Variants in HERC1 observed in about 807,000 individuals in gnomAD.
HERC1 encodes the protein HECT and RLD domain containing E3 ubiquitin protein ligase family member 1, also known as probable E3 ubiquitin-protein ligase HERC1.
Under a neutral mutation model 554.3 loss-of-function variants are expected in HERC1, and 160 were observed. That is an observed-to-expected ratio of 0.29 (90% CI 0.25 to 0.33). HERC1 has a LOEUF of 0.33. Among genes scored for constraint, HERC1 ranks in the 10% least tolerant of loss-of-function variants. The pLI is 1.00. For synonymous variants in HERC1, 2,175 were observed against 2,131.7 expected (o/e 1.02, Z -0.56); for missense variants, 4,919 against 5,918.5 (o/e 0.83, Z 5.54).
chr15:63,762,942 T>C lies in HERC1; in HGVS notation c.1026+1154A>G, dbSNP rs189359389. Among the ~76,000 whole-genome samples the C allele has an allele frequency of 3.9e-4, 59 of 152,314 alleles. No individual in the cohort carries two copies. The East Asian group carries it at 7.5e-3, about 19-fold the overall frequency. On this transcript the variant is annotated intron_variant, in intron 3 of 77. Transcript: ENST00000443617. The stretch of plus-strand genomic sequence containing the variant: ...AGGCTCCTATTCCCATTATCTCAAG[T>C]AGCAGAACATGTTCCATATAAATGC...
In HERC1 at chr15:63,739,638, A is replaced by T. The variant is rs541976083; in HGVS notation, c.2521-4789T>A. Among the ~76,000 whole-genome samples the T allele has an allele frequency of 3.4e-4, 51 of 151,734 alleles. 1 individual carries two copies. In the South Asian group the frequency reaches 8.9e-3, roughly 26 times the overall value. On this transcript the variant is annotated intron_variant, in intron 12 of 77. Transcript: ENST00000443617. ...CAGATCACCTGAGGTAAGGAGTTCA[A>T]GACCAGCCTGGCCAACATGGTGAAA...
At position 63,622,976 on chromosome 15, in the gene HERC1, G is replaced by C. The variant is rs901287063; in HGVS notation, c.13612-85C>G. 4 of 757,566 alleles carry C rather than the reference G, an allele frequency of 5.3e-6. No individual in the cohort carries two copies. In the South Asian group the frequency reaches 7.5e-5, roughly 14 times the overall value. 46.9% of individuals were successfully genotyped at this position (757,566 alleles called of 1,614,324 possible). A position where few individuals can be genotyped will look rare whatever the true frequency, so the allele number is the denominator to read the frequency against. ...ACCAATTACAAGATCATACTGAAAA[G>C]AGAATATTTTGAGGAATTTATAATG... is the stretch of plus-strand genomic sequence containing the variant. On this transcript the variant is annotated intron_variant, in intron 73 of 77. Coordinates refer to ENST00000443617, the MANE Select transcript of HERC1 (RefSeq NM_003922.4).
In HERC1 at chr15:63,775,309, T is replaced by C. The variant is rs756054356; in HGVS notation, c.315A>G (p.Lys105=). 82 of 1,613,800 alleles carry C rather than the reference T, an allele frequency of 5.1e-5. No homozygotes were observed. Among genetic ancestry groups the C allele is most frequent in the Non-Finnish European group, 6.7e-5 (79 of 1,179,884 alleles). Residue 105 remains lysine (K), a synonymous_variant, in exon 2 of 78, where the codon AAA becomes AAG. Transcript: ENST00000443617. This position sits in a 1 kb window ranked among gnomAD's most constrained non-coding sequence, Gnocchi z 4.0. ...AGACACGCTGGAGTACAAGCAGTCG[T>C]TTTCTAAGTGCCCCGGCAAATGGGG... ...SDSPFAGALR[K]RLLVLQRVFY... is the part of the protein sequence containing the mutation.
intron 2 of HERC1, among the ~76,000 whole-genome samples, chr15:63,765,197 A>G (rs2075736464): frequency 6.6e-6 from 1 of 152,070 alleles, no homozygotes; most frequent in Admixed American, 6.5e-5. Flanking sequence ...ACATAATTCC[A>G]CTATTCTGCT....
intron 21 of HERC1, 61 bp from the exon 22 acceptor site, chr15:63,716,534 T>A: frequency 7.5e-7 from 1 of 1,335,556 alleles, no homozygotes; most frequent in Non-Finnish European, 1.0e-6. Context: ...TTTAAAACTT[T>A]AAAAAACCTT....
chr15:63,674,725 T>G lies in HERC1; in HGVS notation c.7463A>C (p.Asn2488Thr). ...QHQITEGKRKNHEHMSKNHDV... is the reference protein window; with the variant it reads ...QHQITEGKRKTHEHMSKNHDV... ...ATGGTTTTTGGACATGTGTTCATGA[T>G]TTTTTCTTTTCCCTTCTGTTATTTG... The change falls in exon 38 of 78, where the codon AAT (asparagine) becomes ACT (threonine). Residue 2488 changes from asparagine to threonine, a missense_variant. Around this residue, in one of 11 missense-constraint regions of HERC1, gnomAD observed 1,963 missense variants for 2,228.6 expected, o/e 0.88. Transcript: ENST00000443617. The G allele has an allele frequency of 6.2e-7, 1 of 1,613,744 alleles. No individual in the cohort carries two copies. The highest frequency in any genetic ancestry group is 8.5e-7 in the Non-Finnish European group (1 of 1,179,800).
chr15:63,631,958 G>A (rs1164334099), intron 68 of HERC1, among the ~76,000 whole-genome samples: 3 of 152,086 alleles, frequency 2.0e-5, no homozygotes, highest in East Asian at 1.9e-4. Context: ...ATACGAATAA[G>A]GATTTAACTA....
At chr15:63,745,780 G>A (rs2075033268) in intron 12 of HERC1, among the ~76,000 whole-genome samples, 1 of 152,150 alleles carries the variant, frequency 6.6e-6, no homozygotes, top group African/African-American at 2.4e-5. Flanking sequence ...TGTTAAAGTG[G>A]TGTCCTTGGC....
intron 4 of HERC1, among the ~76,000 whole-genome samples, chr15:63,757,142 C>T (rs1225527959): frequency 2.0e-5 from 3 of 148,888 alleles, no homozygotes; most frequent in Non-Finnish European, 4.4e-5. Context: ...AAAAAAAATA[C>T]ATTTTAATGA....
chr15:63,682,069 C>A (rs1170867201), intron 34 of HERC1, among the ~76,000 whole-genome samples: 1 of 152,048 alleles, frequency 6.6e-6, no homozygotes, highest in East Asian at 1.9e-4. Context: ...ACTAGAACAA[C>A]CCTGATGCAT....
intron 12 of HERC1, among the ~76,000 whole-genome samples, chr15:63,739,752 C>T (rs1037611922): frequency 2.0e-5 from 3 of 151,950 alleles, no homozygotes; most frequent in African/African-American, 4.8e-5. Flanking sequence ...GCAGGATAAT[C>T]GCTTGAACCC....
chr15:63,820,646 A>C (rs895100149), intron 1 of HERC1, among the ~76,000 whole-genome samples: 3 of 152,184 alleles, frequency 2.0e-5, no homozygotes, highest in African/African-American at 7.2e-5. Context: ...AAAAACAACA[A>C]TGTATCTCAA....
intron 76 of HERC1, 121 bp downstream of exon 76, chr15:63,615,647 C>T: frequency 3.1e-6 from 2 of 639,628 alleles, no homozygotes; most frequent in East Asian, 3.3e-5. Flanking sequence ...TAAATTCATA[C>T]ATACATACAG....
chr15:63,766,323 C>T (rs925424186), intron 2 of HERC1, among the ~76,000 whole-genome samples: 5 of 151,990 alleles, frequency 3.3e-5, no homozygotes, highest in Admixed American at 1.3e-4. Flanking sequence ...CACAGTGGCT[C>T]ACACCTGTAA....
At chr15:63,776,931 A>C (rs879516785) in intron 1 of HERC1, among the ~76,000 whole-genome samples, 1 of 152,226 alleles carries the variant, frequency 6.6e-6, no homozygotes, top group Non-Finnish European at 1.5e-5. Context: ...GAGGGAAGTA[A>C]ACAGACATCT....
In HERC1 at chr15:63,630,566, G is replaced by A. The variant is rs2068503243; in HGVS notation, c.12866C>T (p.Ala4289Val). ...HNRPQQIPVLAGVIIEDVAVG... is the reference protein window; with the variant it reads ...HNRPQQIPVLVGVIIEDVAVG... ...TGCCACATCTTCTATGATTACTCCA[G>A]CCAGGACAGGGATTTGTTGCGGTCG... Residue 4289 changes from alanine (A) to valine (V), a missense_variant, in exon 69 of 78, where the codon GCT becomes GTT. This residue lies in a region of HERC1 where 410 missense variants were observed against 467.0 expected (regional missense o/e 0.88). Transcript: ENST00000443617. The A allele has an allele frequency of 6.2e-7, 1 of 1,614,058 alleles. No homozygotes were observed. Among genetic ancestry groups the A allele is most frequent in the African/African-American group, 1.3e-5 (1 of 75,070 alleles).
At position 63,675,033 on chromosome 15, in the gene HERC1, G is replaced by T. The variant is rs201477937; in HGVS notation, c.7155C>A (p.Phe2385Leu). 35 of 1,613,914 alleles carry T rather than the reference G, an allele frequency of 2.2e-5. No individual in the cohort carries two copies. Among genetic ancestry groups the T allele is most frequent in the Non-Finnish European group, 3.0e-5 (35 of 1,179,896 alleles). ...GCAGCACAGAAGCCGTCAGGCCTCG[G>T]AATCGCGCCACATCAAACGGCAATG... ...CEPLPFDVAR[F>L]RGLTASVLLD... Residue 2385 changes from phenylalanine to leucine, a missense_variant, in exon 38 of 78, where the codon TTC becomes TTA. This residue lies in a region of HERC1 where 1,963 missense variants were observed against 2,228.6 expected (regional missense o/e 0.88). Transcript: ENST00000443617.
Position 63,725,395 on chromosome 15 carries a change from G to A in HERC1, c.3465C>T (p.Gly1155=). 6.2e-7 allele frequency: 1 copy of A among 1,613,914 alleles called. No individual in the cohort carries two copies. Among genetic ancestry groups the A allele is most frequent in the Non-Finnish European group, 8.5e-7 (1 of 1,179,846 alleles). ...GAGACACAGGGGAGCCCTGAAGCATGCCACCAAGACACCGCCCAATAAGGA... is the reference window on the plus strand; with the variant it reads ...GAGACACAGGGGAGCCCTGAAGCATACCACCAAGACACCGCCCAATAAGGA... ...IALLIGRCLG[G]MLQGSPVSPE... is the part of the protein sequence containing the mutation. The change falls in exon 18 of 78, where the codon GGC becomes GGT. Residue 1155 remains glycine, a synonymous_variant. Coordinates refer to ENST00000443617, the MANE Select transcript of HERC1 (RefSeq NM_003922.4).
At chr15:63,780,338 T>A (rs2076250165) in intron 1 of HERC1, 1 of 152,040 alleles carries the variant, frequency 6.6e-6, no homozygotes, top group Admixed American at 6.6e-5. Flanking sequence ...TTTTCCAAAA[T>A]TATACAAAGA....
Sources: gnomAD v4.1 joint callset for allele counts (sites outside exome capture counted in the v4.1 genomes callset) on GRCh38, gnomAD v4.1.1 for gene constraint, gnomAD v4.1.1 regional missense constraint, Gnocchi (gnomAD v3.1) non-coding constraint, MANE v1.5 for transcripts, NCBI Gene and HGNC (gene_info 2026-07-23, HGNC 2026-07-21) for gene names.